The following LMAN2L variants were observed in gnomAD, a reference collection of about 807,000 sequenced individuals.
The protein encoded by LMAN2L is lectin, mannose binding 2 like.
Under a neutral mutation model 44.3 loss-of-function variants are expected in LMAN2L, and 30 were observed. That is an observed-to-expected ratio of 0.68 (90% CI 0.51 to 0.92). LMAN2L has a LOEUF of 0.92. LMAN2L is among the 40% of genes least tolerant of loss of function. LMAN2L has a pLI of 0.00. For missense variants in LMAN2L, 429 were observed against 446.1 expected, an observed-to-expected ratio of 0.96 and a Z score of 0.35; for synonymous variants, 183 against 171.1, an observed-to-expected ratio of 1.07 and a Z score of -0.54.
intron 4 of LMAN2L, among the ~76,000 whole-genome samples, chr2:96,727,534 C>T (rs954618218): frequency 1.3e-5 from 2 of 152,182 alleles, no homozygotes; most frequent in African/African-American, 4.8e-5. Context: ...GGGAAGGAGG[C>T]TGAGGTAGGA....
At chr2:96,724,394 T>C (rs146812126) in intron 4 of LMAN2L, among the ~76,000 whole-genome samples, 38 of 152,338 alleles carry the variant, frequency 2.5e-4, no homozygotes, top group African/African-American at 8.4e-4. Flanking sequence ...AGGGACTGCA[T>C]AGAGCAATGT....
rs1456056437 is a variant in LMAN2L, at chr2:96,721,312, T to TA, written c.508-9288dup. Among the ~76,000 whole-genome samples the TA allele has an allele frequency of 2.6e-5, 4 of 151,402 alleles. No homozygotes were observed. In the East Asian group the frequency reaches 7.8e-4, roughly 29 times the overall value. ...CCATGTTGGAGCACATATCGATACT[T>TA]AATTTCTTTCAGTCTTTTTTTTTTT... On this transcript the variant is annotated intron_variant, in intron 4 of 7. Coordinates refer to ENST00000264963, the MANE Select transcript of LMAN2L (RefSeq NM_030805.4).
chr2:96,728,616 G>C (rs2153331887), intron 4 of LMAN2L, among the ~76,000 whole-genome samples: 1 of 152,224 alleles, frequency 6.6e-6, no homozygotes, highest in East Asian at 1.9e-4. Context: ...GCCGAGGCGG[G>C]TAGATTACTT....
chr2:96,715,159 G>A (rs1220750626), intron 4 of LMAN2L, among the ~76,000 whole-genome samples: 4 of 152,188 alleles, frequency 2.6e-5, no homozygotes, highest in Admixed American at 2.6e-4. Flanking sequence ...GGCTGGTCTC[G>A]AACTCCTGAT....
At chr2:96,733,189 C>T (rs1249295668) in intron 4 of LMAN2L, among the ~76,000 whole-genome samples, 5 of 152,148 alleles carry the variant, frequency 3.3e-5, no homozygotes, top group Admixed American at 2.0e-4. Flanking sequence ...GGCTGAGTTA[C>T]GTAAATTCAG....
At chr2:96,724,098 C>CAA (rs879480139) in intron 4 of LMAN2L, among the ~76,000 whole-genome samples, 4 of 123,960 alleles carry the variant, frequency 3.2e-5, no homozygotes, top group African/African-American at 5.9e-5. Context: ...GACTCTGTCT[C>CAA]AAAAAAAAAA....
chr2:96,733,972 C>A (rs969610598), intron 3 of LMAN2L, among the ~76,000 whole-genome samples: 1 of 152,192 alleles, frequency 6.6e-6, no homozygotes, highest in Non-Finnish European at 1.5e-5. Flanking sequence ...CTTCTTGTTG[C>A]AAAAGAGATC....
chr2:96,711,839 T>C (rs553275586), intron 5 of LMAN2L, 25 bp downstream of exon 5: 1 of 1,613,732 alleles, frequency 6.2e-7, no homozygotes, highest in South Asian at 1.1e-5. Context: ...CACACCACCA[T>C]CTGGTCCAGG....
chr2:96,734,449 A>G lies in LMAN2L; in HGVS notation c.384T>C (p.Asp128=), dbSNP rs1308955875. 6.2e-7 allele frequency: 1 copy of G among 1,613,664 alleles called. No individual in the cohort carries two copies. Among genetic ancestry groups the G allele is most frequent in the Non-Finnish European group, 8.5e-7 (1 of 1,179,636 alleles). ...CCTTTGTGTACCAGATTGCCAAGCC[A>G]TCCCCATGCAGATTCTTCTTTCCTT... ...HGQGKKNLHG[D]GLAIWYTKDR... The change falls in exon 3 of 8, where the codon GAT becomes GAC. Residue 128 remains aspartate, a synonymous_variant. Coordinates refer to ENST00000264963, the MANE Select transcript of LMAN2L (RefSeq NM_030805.4).
intron 6 of LMAN2L, among the ~76,000 whole-genome samples, chr2:96,711,080 G>C (rs776729241): frequency 2.3e-4 from 35 of 152,218 alleles, no homozygotes; most frequent in Non-Finnish European, 4.4e-4. Flanking sequence ...AGCTGAGGAG[G>C]ACAAAGGGTG....
intron 4 of LMAN2L, among the ~76,000 whole-genome samples, chr2:96,723,626 T>A (rs2078205490): frequency 6.6e-6 from 1 of 150,858 alleles, no homozygotes; most frequent in East Asian, 1.9e-4. Context: ...AATCCGATAT[T>A]TTTTTTTTCT....
chr2:96,709,459 G>A (rs1211670744), intron 6 of LMAN2L, among the ~76,000 whole-genome samples: 1 of 152,112 alleles, frequency 6.6e-6, no homozygotes, highest in African/African-American at 2.4e-5. Flanking sequence ...GAGTGCTAGG[G>A]GTGCTCATTG....
intron 6 of LMAN2L, among the ~76,000 whole-genome samples, chr2:96,708,659 C>A (rs778715378): frequency 6.6e-6 from 1 of 152,156 alleles, no homozygotes; most frequent in Non-Finnish European, 1.5e-5. Context: ...CACACACGTA[C>A]AACAGGAAAA....
At chr2:96,718,026 G>C (rs917400157) in intron 4 of LMAN2L, among the ~76,000 whole-genome samples, 1 of 151,836 alleles carries the variant, frequency 6.6e-6, no homozygotes, top group African/African-American at 2.4e-5. Context: ...CGCGATCTCG[G>C]CTCACTGCAA....
At chr2:96,728,273 G>A (rs1042409608) in intron 4 of LMAN2L, among the ~76,000 whole-genome samples, 12 of 151,038 alleles carry the variant, frequency 7.9e-5, no homozygotes, top group Non-Finnish European at 1.6e-4. Flanking sequence ...GGATCACGAG[G>A]TCAGGAGATC....
At chr2:96,737,260 T>C (rs1371750051) in intron 2 of LMAN2L, 1 of 410,058 alleles carries the variant, frequency 2.4e-6, no homozygotes, top group Non-Finnish European at 4.7e-6. Context: ...GACCAACAGC[T>C]CAGAGTGGCT....
chr2:96,724,447 T>C (rs2078225246), intron 4 of LMAN2L, among the ~76,000 whole-genome samples: 1 of 152,252 alleles, frequency 6.6e-6, no homozygotes, highest in Non-Finnish European at 1.5e-5. Flanking sequence ...TTCCAATCCA[T>C]GCCATAGAAC....
At chr2:96,721,193 C>G (rs1170788254) in intron 4 of LMAN2L, among the ~76,000 whole-genome samples, 1 of 152,118 alleles carries the variant, frequency 6.6e-6, no homozygotes, top group African/African-American at 2.4e-5. Context: ...TACAGATTTG[C>G]CTATTCTGGA....
At chr2:96,727,744 C>T (rs550804047) in intron 4 of LMAN2L, among the ~76,000 whole-genome samples, 33 of 152,332 alleles carry the variant, frequency 2.2e-4, no homozygotes, top group Admixed American at 9.2e-4. Context: ...TTGTTCCACA[C>T]GCCCTCCTAC....
Sources: allele counts gnomAD v4.1 joint callset (sites outside exome capture counted in the v4.1 genomes callset), GRCh38; gene constraint gnomAD v4.1.1; transcripts MANE v1.5; gene names NCBI Gene and HGNC (gene_info 2026-07-23, HGNC 2026-07-21).